COG4: variants seen among roughly 807,000 people sequenced by gnomAD.
The protein encoded by COG4 is conserved oligomeric Golgi complex subunit 4.
In COG4, 65 loss-of-function variants were observed where a neutral mutation model predicts 95.1. That is an observed-to-expected ratio of 0.68 (90% CI 0.56 to 0.84). The LOEUF (loss-of-function observed/expected upper bound fraction) is 0.84, where lower values mean the gene tolerates loss of function less well. COG4 is among the 40% of genes least tolerant of loss of function. The pLI, the probability that COG4 is intolerant of heterozygous loss-of-function variation, is 0.00. For synonymous variants in COG4, 421 were observed against 374.8 expected (o/e 1.12, Z -1.42); for missense variants, 1,045 against 989.1 (o/e 1.06, Z -0.76).
intron 12 of COG4, among the ~76,000 whole-genome samples, chr16:70,490,970 C>T (rs2049232752): frequency 1.3e-5 from 2 of 151,972 alleles, no homozygotes; most frequent in South Asian, 4.2e-4. Context: ...GGTTTCAGGT[C>T]TTCTTGTACT....
rs752451999 is a variant in COG4 at position 70,490,388 on chromosome 16, G to C, written c.1652C>G (p.Thr551Ser). The change falls in exon 13 of 19, where the codon ACT becomes AGT. Residue 551 changes from threonine to serine, a missense_variant. Coordinates refer to ENST00000323786, the MANE Select transcript of COG4 (RefSeq NM_015386.3). ...TDEAKMSFLV[T>S]LNNVEVCSEN... ...ACTGCAGACTTCCACGTTGTTCAGAGTCACCTGGGAGATGAGGAAGGAAGA... is the reference window on the plus strand; with the variant it reads ...ACTGCAGACTTCCACGTTGTTCAGACTCACCTGGGAGATGAGGAAGGAAGA... 6.2e-7 allele frequency: 1 copy of C among 1,613,508 alleles called. No homozygotes were observed. Among genetic ancestry groups the C allele is most frequent in the Admixed American group, 1.7e-5 (1 of 59,982 alleles).
At chr16:70,521,699 ATTTTTT>A (rs566000095) in intron 1 of COG4, among the ~76,000 whole-genome samples, 1 of 133,862 alleles carries the variant, frequency 7.5e-6, no homozygotes. Flanking sequence ...AAGATACTAA[ATTTTTT>A]TTTTTTTTTT....
intron 2 of COG4, among the ~76,000 whole-genome samples, 190 bp downstream of exon 2, chr16:70,519,459 G>T (rs1346133270): frequency 1.3e-5 from 2 of 152,182 alleles, no homozygotes; most frequent in African/African-American, 4.8e-5. Context: ...TGTGATGCTG[G>T]TACAACTGGT....
chr16:70,505,374 T>TC (rs2049542339), intron 8 of COG4, among the ~76,000 whole-genome samples: 1 of 145,838 alleles, frequency 6.9e-6, no homozygotes, highest in African/African-American at 2.5e-5. Context: ...ATTTTTTGTA[T>TC]TTTTTTTTTA....
At chr16:70,512,187 T>C in intron 5 of COG4, 52 bp downstream of exon 5, 1 of 1,553,456 alleles carries the variant, frequency 6.4e-7, no homozygotes, top group Non-Finnish European at 8.9e-7. Flanking sequence ...AGTGCCCCAA[T>C]CTGCAGGCAG....
chr16:70,493,562 G>A (rs966532566), intron 12 of COG4, among the ~76,000 whole-genome samples: 1 of 152,120 alleles, frequency 6.6e-6, no homozygotes. Context: ...ACATATTCTG[G>A]AAAGGGGATA....
intron 7 of COG4, 122 bp downstream of exon 7, chr16:70,509,109 T>A: frequency 2.4e-6 from 3 of 1,244,950 alleles, no homozygotes; most frequent in South Asian, 2.4e-5. Context: ...AGTGTGCGCT[T>A]AGCATTTATT....
rs987662091 is a variant in COG4, at chr16:70,481,037, A to G, written c.2343T>C (p.Ser781=). The change falls in exon 19 of 19, where the codon AGT becomes AGC. Residue 781 remains serine, a synonymous_variant. Transcript: ENST00000323786. ...ACAGGCGCAGCCTCTTGATATCTTC[A>G]CTGCGGAAGTCTATCCGCAGGGCCA... ...QVLALRIDFR[S]EDIKRLRL The G allele has an allele frequency of 5.6e-6, 9 of 1,612,758 alleles. No homozygotes were observed. Among genetic ancestry groups the G allele is most frequent in the East Asian group, 2.2e-5 (1 of 44,864 alleles).
intron 4 of COG4, among the ~76,000 whole-genome samples, chr16:70,513,766 T>C (rs1038390193): frequency 1.3e-5 from 2 of 152,216 alleles, no homozygotes; most frequent in African/African-American, 4.8e-5. Flanking sequence ...GAATTTTTCC[T>C]TAATATTTTT....
chr16:70,485,272 C>T (rs1485322128), intron 13 of COG4, among the ~76,000 whole-genome samples: 3 of 148,442 alleles, frequency 2.0e-5, no homozygotes, highest in African/African-American at 7.6e-5. Context: ...GGCATGATCT[C>T]GGCTCACTGC....
chr16:70,481,267 C>G, intron 18 of COG4, 92 bp downstream of exon 18: 1 of 1,607,762 alleles, frequency 6.2e-7, no homozygotes, highest in Non-Finnish European at 8.5e-7. Context: ...GAGCTGGCTG[C>G]TGGCAGACAT....
chr16:70,514,002 G>A (rs1178040086), intron 4 of COG4, among the ~76,000 whole-genome samples: 1 of 152,128 alleles, frequency 6.6e-6, no homozygotes, highest in Non-Finnish European at 1.5e-5. Flanking sequence ...GAGATCAGGA[G>A]TTCAAGACCA....
intron 14 of COG4, 152 bp from the exon 15 acceptor site, chr16:70,482,973 C>T (rs541718741): frequency 3.2e-6 from 2 of 632,244 alleles, no homozygotes; most frequent in South Asian, 1.7e-5. Flanking sequence ...TTTCTTCCTT[C>T]TCTCCTCTCC....
chr16:70,486,755 G>A (rs1040230391), intron 13 of COG4, among the ~76,000 whole-genome samples: 2 of 152,158 alleles, frequency 1.3e-5, no homozygotes, highest in Non-Finnish European at 2.9e-5. Context: ...CCAGCACTTT[G>A]GGAGGCCGAG....
At chr16:70,497,126 T>G (rs1597667911) in intron 11 of COG4, 95 bp downstream of exon 11, 1 of 1,226,876 alleles carries the variant, frequency 8.2e-7, no homozygotes. Flanking sequence ...AGAACTTAAC[T>G]AGAATCATGA....
At position 70,514,366 on chromosome 16, in the gene COG4, C is replaced by T. The variant is rs369063742; in HGVS notation, c.513G>A (p.Ser171=). The part of the protein sequence containing the change: ...HTHRYLCLDK[S]VIELSRQGKE... ...TGCCCTGTCGGCTGAGCTCAATGAC[C>T]GACTTGTCCAGGCACAAGTAGCGAT... is the stretch of plus-strand genomic sequence containing the variant. Residue 171 remains serine (S), a synonymous_variant, in exon 4 of 19, where the codon TCG becomes TCA. Transcript: ENST00000323786. The T allele has an allele frequency of 1.2e-4, 186 of 1,614,024 alleles. 1 individual carries two copies. In the Middle Eastern group the frequency reaches 2.8e-3, roughly 24 times the overall value.
chr16:70,519,710 C>T lies in COG4; in HGVS notation c.193G>A (p.Asp65Asn), dbSNP rs780209257. ...GTGTTTTGCTGTTCCAAAAGAGCAT[C>T]CAGCTCTCTCTCCACCACTTTCTGA... ...GEEKVVEREL[D>N]ALLEQQNTIE... The change falls in exon 2 of 19, where the codon GAT (aspartate) becomes AAT (asparagine). Residue 65 changes from aspartate (D) to asparagine (N), a missense_variant. Coordinates refer to ENST00000323786, the MANE Select transcript of COG4 (RefSeq NM_015386.3). 2 of 1,613,448 alleles carry T rather than the reference C, an allele frequency of 1.2e-6. No homozygotes were observed. Among genetic ancestry groups the T allele is most frequent in the South Asian group, 2.2e-5 (2 of 91,022 alleles).
intron 13 of COG4, among the ~76,000 whole-genome samples, chr16:70,489,220 A>ATTT (rs34101495): frequency 7.0e-6 from 1 of 141,864 alleles, no homozygotes; most frequent in Admixed American, 7.1e-5. Context: ...TTTGATCCTG[A>ATTT]TTTTTTTTTT....
At chr16:70,505,689 C>T (rs1409634041) in intron 8 of COG4, among the ~76,000 whole-genome samples, 3 of 150,932 alleles carry the variant, frequency 2.0e-5, no homozygotes, top group Admixed American at 6.6e-5. Context: ...ATTAGCCGGG[C>T]GTGGTGGCAG....
Sources: gnomAD v4.1 joint callset for allele counts (sites outside exome capture counted in the v4.1 genomes callset) on GRCh38, gnomAD v4.1.1 for gene constraint, MANE v1.5 for transcripts, NCBI Gene and HGNC (gene_info 2026-07-23, HGNC 2026-07-21) for gene names.